SMARCAD1: variants seen among roughly 807,000 people sequenced by gnomAD.
SMARCAD1 encodes SWI/SNF-related matrix-associated actin-dependent regulator of chromatin subfamily A containing DEAD/H box 1.
Under a neutral mutation model 127.1 loss-of-function variants are expected in SMARCAD1, and 25 were observed. That is an observed-to-expected ratio of 0.20 (90% confidence interval 0.14 to 0.27). SMARCAD1 has a LOEUF of 0.27. SMARCAD1 is among the 10% of genes least tolerant of loss of function. SMARCAD1 has a pLI of 1.00. For missense variants in SMARCAD1, 807 were observed against 1,206.0 expected (o/e 0.67, Z 4.90); for synonymous variants, 400 against 396.9 (o/e 1.01, Z -0.09).
At chr4:94,225,309 T>A (rs1034644211) in intron 2 of SMARCAD1, among the ~76,000 whole-genome samples, 7 of 152,178 alleles carry the variant, frequency 4.6e-5, no homozygotes, top group African/African-American at 1.7e-4. Context: ...TAAGGTGATC[T>A]CCTTCCTGCC....
chr4:94,215,313 T>G (rs959316077), intron 2 of SMARCAD1, among the ~76,000 whole-genome samples: 1 of 152,152 alleles, frequency 6.6e-6, no homozygotes, highest in Non-Finnish European at 1.5e-5. Flanking sequence ...GAATCTTAAG[T>G]GCATTTTAAA....
upstream of SMARCAD1, chr4:94,207,661 G>C (rs1282081210): frequency 6.4e-6 from 1 of 155,230 alleles, no homozygotes; most frequent in Non-Finnish European, 1.4e-5. Context: ...TCCCGGCACG[G>C]CTACCGTCGC....
chr4:94,269,734 T>C (rs1752266610), intron 10 of SMARCAD1, among the ~76,000 whole-genome samples: 1 of 152,092 alleles, frequency 6.6e-6, no homozygotes, highest in South Asian at 2.1e-4. Context: ...AATGGCATGA[T>C]CTCAGCTCAC....
At chr4:94,276,190 T>C (rs891508313) in intron 14 of SMARCAD1, 149 bp from the exon 15 acceptor site, 4 of 741,054 alleles carry the variant, frequency 5.4e-6, no homozygotes, top group African/African-American at 3.5e-5. Flanking sequence ...TCAGTATTTA[T>C]TTGAGTATCA....
intron 23 of SMARCAD1, among the ~76,000 whole-genome samples, chr4:94,285,776 G>A (rs1053186722): frequency 2.0e-5 from 3 of 152,192 alleles, no homozygotes; most frequent in African/African-American, 7.2e-5. Context: ...GAAAGTTTGA[G>A]TAAGAAGCAA....
At chr4:94,274,356 C>A (rs1055751922) in intron 12 of SMARCAD1, among the ~76,000 whole-genome samples, 1 of 152,052 alleles carries the variant, frequency 6.6e-6, no homozygotes, top group African/African-American at 2.4e-5. Context: ...AAGACAGTCT[C>A]GCTGTGTCAC....
At chr4:94,221,615 A>G (rs1433916818) in intron 2 of SMARCAD1, among the ~76,000 whole-genome samples, 2 of 152,240 alleles carry the variant, frequency 1.3e-5, no homozygotes, top group Admixed American at 6.5e-5. Flanking sequence ...TAAACCAGAG[A>G]TTTTGACAAA....
intron 20 of SMARCAD1, among the ~76,000 whole-genome samples, chr4:94,281,081 C>T (rs974392129): frequency 6.6e-6 from 1 of 152,152 alleles, no homozygotes; most frequent in Non-Finnish European, 1.5e-5. Flanking sequence ...TTTTTAAAGA[C>T]ACTATTTGTT....
intron 22 of SMARCAD1, among the ~76,000 whole-genome samples, chr4:94,283,994 A>C (rs1754480586): frequency 6.6e-6 from 1 of 151,712 alleles, no homozygotes; most frequent in South Asian, 2.1e-4. Flanking sequence ...TTTTAGATGA[A>C]TGGTACATTT....
At position 94,279,052 on chromosome 4, in the gene SMARCAD1, TA is replaced by T. The variant is rs1753666179; in HGVS notation, c.2418+4del. On this transcript the variant is annotated splice_donor_region_variant and intron_variant, in intron 19 of 23. Transcript: ENST00000354268. The stretch of plus-strand genomic sequence containing the variant: ...GAAATGTCTCAGCTTATGCTAAAGG[TA>T]AGGATTTCATATTATGTTAACACTA... 1.2e-6 allele frequency: 2 copies of T among 1,614,072 alleles called. No individual in the cohort carries two copies. The highest frequency in any genetic ancestry group is 2.7e-5 in the African/African-American group (2 of 75,052).
chr4:94,229,097 A>G (rs1418572817), intron 3 of SMARCAD1, among the ~76,000 whole-genome samples: 1 of 152,192 alleles, frequency 6.6e-6, no homozygotes, highest in South Asian at 2.1e-4. Flanking sequence ...TGATGACTCA[A>G]TTAACGTGGC....
In SMARCAD1 at chr4:94,259,986, T is replaced by A. The variant is rs181574127; in HGVS notation, c.1282-4721T>A. ...TTAAGATCCAAGTAAGGTCCACTTA[T>A]TAAGATTGCTTGATAGGTCTTTTAA... On this transcript the variant is annotated intron_variant, in intron 9 of 23. Coordinates refer to ENST00000354268, the MANE Select transcript of SMARCAD1 (RefSeq NM_020159.5). 3.3e-5 allele frequency among the ~76,000 whole-genome samples: 5 copies of A among 152,328 alleles called. No homozygotes were observed. In the East Asian group the frequency reaches 9.7e-4, roughly 29 times the overall value.
intron 16 of SMARCAD1, among the ~76,000 whole-genome samples, 166 bp from the exon 17 acceptor site, chr4:94,278,256 A>G (rs1207534165): frequency 1.3e-5 from 2 of 152,152 alleles, no homozygotes; most frequent in Non-Finnish European, 2.9e-5. Context: ...CAAGAAGTAC[A>G]TGGCAGCCCA....
In SMARCAD1 at chr4:94,208,038, GT is replaced by G. The variant is rs1560503734; in HGVS notation, c.-80del. The G allele has an allele frequency of 4.3e-6, 2 of 459,988 alleles. No homozygotes were observed. Among genetic ancestry groups the G allele is most frequent in the South Asian group, 1.6e-5 (1 of 61,852 alleles). 28.5% of individuals were successfully genotyped at this position (459,988 alleles called of 1,614,324 possible). On this transcript the variant is annotated 5_prime_UTR_variant, in exon 1 of 24. An upstream open reading frame in the 5' UTR loses its in-frame stop. Coordinates refer to ENST00000354268, the MANE Select transcript of SMARCAD1 (RefSeq NM_020159.5). ...GGGCGGGCGCGAGGCCCGCTAGGGG[GT>G]TATACTGGGGAACGTGCCTGCGCGT...
intron 16 of SMARCAD1, among the ~76,000 whole-genome samples, chr4:94,277,619 A>G (rs1354089401): frequency 6.6e-6 from 1 of 152,244 alleles, no homozygotes; most frequent in Non-Finnish European, 1.5e-5. Flanking sequence ...AAGCGACAGT[A>G]AAGAAATCCT....
intron 2 of SMARCAD1, among the ~76,000 whole-genome samples, chr4:94,225,412 G>A (rs1744838127): frequency 1.3e-5 from 2 of 152,064 alleles, no homozygotes; most frequent in Non-Finnish European, 2.9e-5. Context: ...AGCCCATCCT[G>A]TAGGCCTCAT....
At chr4:94,234,151 A>G (rs1746274293) in intron 4 of SMARCAD1, 29 bp downstream of exon 4, 2 of 1,556,316 alleles carry the variant, frequency 1.3e-6, no homozygotes, top group Non-Finnish European at 1.7e-6. Flanking sequence ...TGTAGCTGTA[A>G]TGATGATAAA....
intron 9 of SMARCAD1, among the ~76,000 whole-genome samples, chr4:94,256,465 C>T (rs149562017): frequency 2.0e-5 from 3 of 152,090 alleles, no homozygotes; most frequent in Admixed American, 6.6e-5. Context: ...CGGGTTCAAG[C>T]GATTCTCCTG....
At chr4:94,226,348 G>T in intron 3 of SMARCAD1, 52 bp downstream of exon 3, 2 of 1,308,308 alleles carry the variant, frequency 1.5e-6, no homozygotes, top group Non-Finnish European at 2.1e-6. Context: ...GATTTTCCAA[G>T]AAAAAAACCT....
Sources: allele counts gnomAD v4.1 joint callset (sites outside exome capture counted in the v4.1 genomes callset), GRCh38; gene constraint gnomAD v4.1.1; transcripts MANE v1.5; gene names NCBI Gene and HGNC (gene_info 2026-07-23, HGNC 2026-07-21).